The following MYO1D variants were observed in gnomAD, a reference collection of about 807,000 sequenced individuals.
MYO1D encodes the protein myosin ID, also known as unconventional myosin-Id.
A neutral mutation model predicts 122.0 loss-of-function variants in MYO1D; 83 were observed. The ratio of observed to expected loss-of-function variants is 0.68; its 90% CI spans 0.57 to 0.82. MYO1D has a LOEUF of 0.82. MYO1D is among the 40% of genes least tolerant of loss of function. The pLI is 0.00. For missense variants in MYO1D, 1,157 were observed against 1,269.5 expected (o/e 0.91, Z 1.35); for synonymous variants, 464 against 446.9 (o/e 1.04, Z -0.48).
intron 21 of MYO1D, among the ~76,000 whole-genome samples, chr17:32,528,789 C>T (rs771317557): frequency 3.9e-5 from 6 of 152,130 alleles, no homozygotes; most frequent in Non-Finnish European, 7.4e-5. Context: ...CAAGGAGTGC[C>T]GGCAGCTCCC....
rs546813505 is a variant in MYO1D at position 32,724,273 on chromosome 17, A to C, written c.1747-3084T>G. ...TGCATGTTTGGCACCAGTGTAACAG[A>C]ATAAGCATTGTACAAAATCAGAACA... On this transcript the variant is annotated intron_variant, in intron 14 of 21. Coordinates refer to ENST00000318217, the MANE Select transcript of MYO1D (RefSeq NM_015194.3). Among the ~76,000 whole-genome samples, 21 of 152,340 alleles carry C rather than the reference A, an allele frequency of 1.4e-4. No homozygotes were observed. In the South Asian group the frequency reaches 1.7e-3, roughly 12 times the overall value.
chr17:32,550,209 C>T (rs764554369), intron 21 of MYO1D, among the ~76,000 whole-genome samples: 53 of 151,576 alleles, frequency 3.5e-4, no homozygotes, highest in Non-Finnish European at 5.6e-4. Context: ...AAGTGATTCT[C>T]GTGCCTCAGC....
chr17:32,657,591 C>T lies in MYO1D; in HGVS notation c.2345+1524G>A, dbSNP rs1017710225. Among the ~76,000 whole-genome samples the T allele has an allele frequency of 5.3e-5, 8 of 152,218 alleles. No homozygotes were observed. In the East Asian group the frequency reaches 5.8e-4, roughly 11 times the overall value. ...GTGCGAGTGTGCTTGTGTGCACGCA[C>T]GTGTGCGTATACAGAACAAATGTAG... On this transcript the variant is annotated intron_variant, in intron 17 of 21. Coordinates refer to ENST00000318217, the MANE Select transcript of MYO1D (RefSeq NM_015194.3).
At chr17:32,673,292 CG>C (rs2088751323) in intron 16 of MYO1D, among the ~76,000 whole-genome samples, 1 of 150,928 alleles carries the variant, frequency 6.6e-6, no homozygotes, top group Non-Finnish European at 1.5e-5. Flanking sequence ...TTAGTAGAAA[CG>C]GGGTTTCACC....
At chr17:32,503,701 C>T (rs556772514) in intron 21 of MYO1D, among the ~76,000 whole-genome samples, 6 of 152,286 alleles carry the variant, frequency 3.9e-5, no homozygotes, top group African/African-American at 1.4e-4. Flanking sequence ...ACTCTAGAGT[C>T]ACAGAGACAG....
chr17:32,579,837 C>T (rs771682655), intron 21 of MYO1D, among the ~76,000 whole-genome samples: 1 of 152,114 alleles, frequency 6.6e-6, no homozygotes, highest in Non-Finnish European at 1.5e-5. Flanking sequence ...TTTTTATTAC[C>T]GAGTAGTAGT....
chr17:32,519,628 G>C (rs920687390), intron 21 of MYO1D, among the ~76,000 whole-genome samples: 2 of 151,650 alleles, frequency 1.3e-5, no homozygotes, highest in Admixed American at 6.6e-5. Context: ...GGCCGGCCGC[G>C]CTTCTCCGCC....
At chr17:32,530,922 CCTCACTGCAA>C (rs1910490601) in intron 21 of MYO1D, among the ~76,000 whole-genome samples, 1 of 151,548 alleles carries the variant, frequency 6.6e-6, no homozygotes, top group Non-Finnish European at 1.5e-5. Flanking sequence ...ACTGATCCTC[CCTCACTGCAA>C]CTCACCATTG....
chr17:32,596,592 G>A (rs1200366442), intron 21 of MYO1D, among the ~76,000 whole-genome samples: 1 of 152,246 alleles, frequency 6.6e-6, no homozygotes, highest in African/African-American at 2.4e-5. Flanking sequence ...TGAGAAGCTG[G>A]TCGAATGTTC....
Position 32,580,289 on chromosome 17 carries a change from A to ATTTT in MYO1D, c.2864+24794_2864+24797dup, listed in dbSNP as rs71144843. 3.8e-4 allele frequency among the ~76,000 whole-genome samples: 15 copies of ATTTT among 39,142 alleles called. 2 individuals are homozygous for ATTTT. The highest frequency in any genetic ancestry group is 1.4e-3 in the African/African-American group (12 of 8,870). The allele number at this position is 39,142 out of a possible 152,430, so 25.7% of individuals were successfully genotyped here. A position where few individuals can be genotyped will look rare whatever the true frequency, so the allele number is the denominator to read the frequency against. On this transcript the variant is annotated intron_variant, in intron 21 of 21. Coordinates refer to ENST00000318217, the MANE Select transcript of MYO1D (RefSeq NM_015194.3). ...CTTCTATTGTTAGTCTGCTAAGAGG[A>ATTTT]TTTTTTTTTTTTTTTTTTTTTTTTT...
At position 32,817,560 on chromosome 17, in the gene MYO1D, A is replaced by G. The variant is rs1454211123; in HGVS notation, c.96-36776T>C. On this transcript the variant is annotated intron_variant, in intron 1 of 21. Coordinates refer to ENST00000318217, the MANE Select transcript of MYO1D (RefSeq NM_015194.3). ...GAAAGTAATCCTTCCCAGCTATAAA[A>G]GCCTATACATTTATGACTTGTTTTC... 3.3e-5 allele frequency among the ~76,000 whole-genome samples: 5 copies of G among 152,212 alleles called. No individual in the cohort carries two copies. The East Asian group carries it at 7.7e-4, about 23-fold the overall frequency.
intron 21 of MYO1D, among the ~76,000 whole-genome samples, chr17:32,500,084 G>A (rs996210218): frequency 6.6e-5 from 10 of 152,234 alleles, no homozygotes; most frequent in Admixed American, 2.0e-4. Context: ...GAGGGGAGGC[G>A]TCTTACACAG....
At chr17:32,501,240 A>G (rs1299895637) in intron 21 of MYO1D, among the ~76,000 whole-genome samples, 10 of 152,204 alleles carry the variant, frequency 6.6e-5, no homozygotes, top group Non-Finnish European at 1.3e-4. Context: ...TGTCATCCAC[A>G]GTTCCTAGCT....
rs540513079 is a variant in MYO1D at position 32,535,788 on chromosome 17, T to C, written c.2865-40873A>G. ...CAAAACAAAACAAAAATCGTACTTATAGAATATTTATACAAAACTCAATAG... is the reference window on the plus strand; with the variant it reads ...CAAAACAAAACAAAAATCGTACTTACAGAATATTTATACAAAACTCAATAG... On this transcript the variant is annotated intron_variant, in intron 21 of 21. Coordinates refer to ENST00000318217, the MANE Select transcript of MYO1D (RefSeq NM_015194.3). Among the ~76,000 whole-genome samples the C allele has an allele frequency of 4.0e-5, 6 of 151,384 alleles. No homozygotes were observed. The South Asian group carries it at 1.0e-3, about 26-fold the overall frequency.
At chr17:32,582,091 T>C (rs1299460964) in intron 21 of MYO1D, among the ~76,000 whole-genome samples, 1 of 152,000 alleles carries the variant, frequency 6.6e-6, no homozygotes, top group Admixed American at 6.6e-5. Flanking sequence ...TTTTGTAATT[T>C]TTTAGTAGAG....
At position 32,557,122 on chromosome 17, in the gene MYO1D, A is replaced by ATT. The variant is rs11376885; in HGVS notation, c.2864+47963_2864+47964dup. 3.1e-3 allele frequency among the ~76,000 whole-genome samples: 456 copies of ATT among 145,684 alleles called. 3 individuals carry two copies. Among genetic ancestry groups the ATT allele is most frequent in the South Asian group, 0.012 (53 of 4,564 alleles). On this transcript the variant is annotated intron_variant, in intron 21 of 21. Coordinates refer to ENST00000318217, the MANE Select transcript of MYO1D (RefSeq NM_015194.3). Reference sequence around the variant, plus strand: ...TTCACTCGGCAGGCTTAGTTTATCCATTTTTTTTTTTTTGAGATGGTGTTT... The same window carrying ATT: ...TTCACTCGGCAGGCTTAGTTTATCCATTTTTTTTTTTTTTTGAGATGGTGTTT...
In MYO1D at chr17:32,517,404, A is replaced by T. The variant is rs573109417; in HGVS notation, c.2865-22489T>A. On this transcript the variant is annotated intron_variant, in intron 21 of 21. Transcript: ENST00000318217. Reference sequence around the variant, plus strand: ...TATCAGTGTCAGCTTTACAGCTGAAATGGAATCTTTGGGTTTGGTGAGTGT... The same window carrying T: ...TATCAGTGTCAGCTTTACAGCTGAATTGGAATCTTTGGGTTTGGTGAGTGT... Among the ~76,000 whole-genome samples, 17 of 152,350 alleles carry T rather than the reference A, an allele frequency of 1.1e-4. 1 individual carries two copies. Among genetic ancestry groups the T allele is most frequent in the African/African-American group, 4.1e-4 (17 of 41,586 alleles).
intron 20 of MYO1D, among the ~76,000 whole-genome samples, chr17:32,625,829 C>A (rs558804823): frequency 6.6e-6 from 1 of 152,296 alleles, no homozygotes; most frequent in South Asian, 2.1e-4. Context: ...CTGCTCTGGG[C>A]CCCAAACAGG....
At chr17:32,760,779 AT>A in intron 8 of MYO1D, 152 bp from the exon 9 acceptor site, 1 of 783,578 alleles carries the variant, frequency 1.3e-6, no homozygotes, top group Non-Finnish European at 1.9e-6. Flanking sequence ...TAGACTGTCC[AT>A]TTAAAAAAAC....
Sources: gnomAD v4.1 joint callset for allele counts (sites outside exome capture counted in the v4.1 genomes callset) on GRCh38, gnomAD v4.1.1 for gene constraint, MANE v1.5 for transcripts, NCBI Gene and HGNC (gene_info 2026-07-23, HGNC 2026-07-21) for gene names.